ACVR1C: variants seen among roughly 807,000 people sequenced by gnomAD.
The protein encoded by ACVR1C is activin receptor type-1C.
In ACVR1C, 23 loss-of-function variants were observed where a neutral mutation model predicts 57.9. That is an observed-to-expected ratio of 0.40 (90% CI 0.29 to 0.56). The LOEUF (loss-of-function observed/expected upper bound fraction) is 0.56, where lower values mean the gene tolerates loss of function less well. Ranked by LOEUF, ACVR1C falls within the 20% of genes least tolerant of loss-of-function variation. ACVR1C has a pLI of 0.50. For synonymous variants in ACVR1C, 214 were observed against 215.3 expected, an observed-to-expected ratio of 0.99 and a Z score of 0.05; for missense variants, 480 against 607.9, an observed-to-expected ratio of 0.79 and a Z score of 2.21.
intron 4 of ACVR1C, among the ~76,000 whole-genome samples, chr2:157,548,041 C>T (rs1687812986): frequency 1.3e-5 from 2 of 152,064 alleles, no homozygotes; most frequent in South Asian, 2.1e-4. Flanking sequence ...ATTGTCTCAG[C>T]CCAAAATCTC....
Position 157,584,678 on chromosome 2 carries a change from T to G in ACVR1C, c.304+2509A>C, listed in dbSNP as rs142196528. Among the ~76,000 whole-genome samples, 948 of 152,282 alleles carry G rather than the reference T, an allele frequency of 6.2e-3. 8 individuals carry two copies. The highest frequency in any genetic ancestry group is 0.02 in the African/African-American group (845 of 41,560). On this transcript the variant is annotated intron_variant, in intron 2 of 8. Coordinates refer to ENST00000243349, the MANE Select transcript of ACVR1C (RefSeq NM_145259.3). ...TATTATAAGCAGTCTGAAAACTATT[T>G]GGGAGACTATGAAGTTAAGCATATA...
At chr2:157,544,873 C>CTTTCTTA (rs1687713384) in intron 4 of ACVR1C, among the ~76,000 whole-genome samples, 1 of 152,074 alleles carries the variant, frequency 6.6e-6, no homozygotes, top group South Asian at 2.1e-4. Context: ...TGAACAACTC[C>CTTTCTTA]TTTCTTATTT....
chr2:157,591,448 T>C (rs1357662953), intron 1 of ACVR1C, among the ~76,000 whole-genome samples: 2 of 152,004 alleles, frequency 1.3e-5, no homozygotes, highest in East Asian at 3.8e-4. Context: ...CTTAAACTCT[T>C]ACATAACACC....
chr2:157,613,276 T>G lies in ACVR1C; in HGVS notation c.73+15296A>C, dbSNP rs185670924. On this transcript the variant is annotated intron_variant, in intron 1 of 8. Transcript: ENST00000243349. ...GTGATTATCTCTTTGCAATTTTGCT[T>G]CTTCTTTCTGGGGAGGGTGAGTGTC... Among the ~76,000 whole-genome samples the G allele has an allele frequency of 1.1e-4, 16 of 152,330 alleles. 1 individual carries two copies. Among genetic ancestry groups the G allele is most frequent in the Admixed American group, 1.0e-3 (16 of 15,298 alleles).
At chr2:157,607,479 G>A (rs897810935) in intron 1 of ACVR1C, among the ~76,000 whole-genome samples, 1 of 151,540 alleles carries the variant, frequency 6.6e-6, no homozygotes, top group African/African-American at 2.4e-5. Context: ...ATGAATTTTA[G>A]GATTTTTTTT....
Position 157,628,600 on chromosome 2 carries a change from C to G in ACVR1C, c.45G>C (p.Leu15=), listed in dbSNP as rs56177445. The G allele has an allele frequency of 6.2e-7, 1 of 1,606,878 alleles. No individual in the cohort carries two copies. Among genetic ancestry groups the G allele is most frequent in the Admixed American group, 1.7e-5 (1 of 59,682 alleles). Residue 15 remains leucine (L), a synonymous_variant, in exon 1 of 9, where the codon CTG becomes CTC. Transcript: ENST00000243349. The part of the protein sequence containing the change: ...LCSALRQALL[L]LAAAAELSPG... ...GCGAGAGCTCGGCGGCCGCTGCGAG[C>G]AGCAGGAGAGCCTGGCGGAGCGCTG...
chr2:157,614,034 T>C (rs1682590819), intron 1 of ACVR1C, among the ~76,000 whole-genome samples: 1 of 152,210 alleles, frequency 6.6e-6, no homozygotes, highest in South Asian at 2.1e-4. Flanking sequence ...ATAAAATGAA[T>C]GTCTTTAATC....
chr2:157,554,404 T>TGAAGGAAGGAAGGAGACAAAG (rs1688039864), intron 3 of ACVR1C, among the ~76,000 whole-genome samples: 1 of 141,616 alleles, frequency 7.1e-6, no homozygotes, highest in Non-Finnish European at 1.6e-5. Context: ...AGGAAGGAGA[T>TGAAGGAAGGAAGGAGACAAAG]GAAGGAAGGA....
At chr2:157,611,118 T>C (rs994714886) in intron 1 of ACVR1C, among the ~76,000 whole-genome samples, 5 of 152,204 alleles carry the variant, frequency 3.3e-5, no homozygotes, top group Non-Finnish European at 7.3e-5. Flanking sequence ...TGTTCTTACA[T>C]TGATATCTGC....
intron 1 of ACVR1C, among the ~76,000 whole-genome samples, chr2:157,598,172 A>G (rs1415202183): frequency 2.6e-5 from 4 of 151,926 alleles, no homozygotes; most frequent in Non-Finnish European, 5.9e-5. Context: ...GGTTACACCA[A>G]ATTTTTGTGT....
At chr2:157,590,400 T>G (rs915769499) in intron 1 of ACVR1C, among the ~76,000 whole-genome samples, 2 of 151,836 alleles carry the variant, frequency 1.3e-5, no homozygotes, top group Non-Finnish European at 2.9e-5. Flanking sequence ...ATGGGTACTA[T>G]TCCTATATAA....
At chr2:157,550,512 T>C (rs1367183201) in intron 3 of ACVR1C, 120 bp from the exon 4 acceptor site, 2 of 918,434 alleles carry the variant, frequency 2.2e-6, no homozygotes, top group African/African-American at 1.7e-5. Flanking sequence ...ATTTTATCTA[T>C]TTTGAAGGAA....
Position 157,585,791 on chromosome 2 carries a change from TC to T in ACVR1C, c.304+1395del, listed in dbSNP as rs137959647. Among the ~76,000 whole-genome samples, 101 of 152,188 alleles carry T rather than the reference TC, an allele frequency of 6.6e-4. No homozygotes were observed. The East Asian group carries it at 0.015, about 23-fold the overall frequency. On this transcript the variant is annotated intron_variant, in intron 2 of 8. Coordinates refer to ENST00000243349, the MANE Select transcript of ACVR1C (RefSeq NM_145259.3). ...CCAGATCACCACCAAAGCAAGGAAG[TC>T]TATGGCATCTGAGATAGAGAGAATA...
chr2:157,593,775 G>T (rs967296376), intron 1 of ACVR1C, among the ~76,000 whole-genome samples: 1 of 152,100 alleles, frequency 6.6e-6, no homozygotes, highest in African/African-American at 2.4e-5. Flanking sequence ...CAAAGCATTT[G>T]CCTTTCTTAA....
At chr2:157,622,582 G>A (rs1291367617) in intron 1 of ACVR1C, among the ~76,000 whole-genome samples, 3 of 152,110 alleles carry the variant, frequency 2.0e-5, no homozygotes, top group African/African-American at 7.2e-5. Flanking sequence ...AATGTAACTA[G>A]ACCCCTATCT....
chr2:157,541,243 G>A (rs1230575450), intron 6 of ACVR1C, 29 bp from the exon 7 acceptor site: 1 of 1,603,228 alleles, frequency 6.2e-7, no homozygotes, highest in South Asian at 1.1e-5. Context: ...TTCAGATTCT[G>A]TCTATGACTT....
chr2:157,597,639 T>G (rs1682166528), intron 1 of ACVR1C: 2 of 885,938 alleles, frequency 2.3e-6, no homozygotes, highest in Admixed American at 6.2e-5. Context: ...GGCAGGCTAT[T>G]TTTTACAGAA....
At chr2:157,565,553 A>C (rs1457898072) in intron 2 of ACVR1C, among the ~76,000 whole-genome samples, 1 of 152,162 alleles carries the variant, frequency 6.6e-6, no homozygotes, top group Admixed American at 6.5e-5. Flanking sequence ...ATCAATATGA[A>C]CCTTATATAC....
intron 1 of ACVR1C, among the ~76,000 whole-genome samples, chr2:157,588,877 ATAC>A (rs1688994705): frequency 7.1e-6 from 1 of 141,138 alleles, no homozygotes; most frequent in Non-Finnish European, 1.5e-5. Context: ...ATATATATAT[ATAC>A]GTGTGTGTGT....
Sources: gnomAD v4.1 joint callset for allele counts (sites outside exome capture counted in the v4.1 genomes callset) on GRCh38, gnomAD v4.1.1 for gene constraint, MANE v1.5 for transcripts, NCBI Gene and HGNC (gene_info 2026-07-23, HGNC 2026-07-21) for gene names.